The following PTPN1 variants were observed in gnomAD, a reference collection of about 807,000 sequenced individuals.
PTPN1 encodes tyrosine-protein phosphatase non-receptor type 1.
A neutral mutation model predicts 59.9 loss-of-function variants in PTPN1; 12 were observed. That is an observed-to-expected ratio of 0.20 (90% CI 0.13 to 0.32). The LOEUF (loss-of-function observed/expected upper bound fraction) is 0.32. Among genes scored for constraint, PTPN1 ranks in the 10% least tolerant of loss-of-function variants. The pLI is 1.00. For synonymous variants in PTPN1, 178 were observed against 203.6 expected (o/e 0.87, Z 1.07); for missense variants, 356 against 549.2 (o/e 0.65, Z 3.52).
At chr20:50,566,133 G>A (rs2082778042) in intron 3 of PTPN1, among the ~76,000 whole-genome samples, 1 of 152,214 alleles carries the variant, frequency 6.6e-6, no homozygotes, top group African/African-American at 2.4e-5. Flanking sequence ...CAGGCCCTGA[G>A]CCCCTGGTCC....
intron 1 of PTPN1, among the ~76,000 whole-genome samples, chr20:50,535,158 A>G (rs1012771070): frequency 5.9e-5 from 9 of 152,180 alleles, no homozygotes; most frequent in African/African-American, 1.9e-4. Flanking sequence ...TTTCTGCTGT[A>G]TCTTTCATGG....
chr20:50,551,028 A>G (rs907544950), intron 1 of PTPN1, among the ~76,000 whole-genome samples: 6 of 152,218 alleles, frequency 3.9e-5, no homozygotes, highest in Non-Finnish European at 8.8e-5. Flanking sequence ...CTAATCAAAT[A>G]TTGCCAGCTT....
intron 1 of PTPN1, among the ~76,000 whole-genome samples, chr20:50,531,029 G>A (rs1016378501): frequency 4.6e-5 from 7 of 152,072 alleles, no homozygotes; most frequent in Admixed American, 2.0e-4. Context: ...AGTGAACTGA[G>A]ACCCAGCCTT....
At chr20:50,537,214 T>C (rs2082627796) in intron 1 of PTPN1, among the ~76,000 whole-genome samples, 1 of 152,082 alleles carries the variant, frequency 6.6e-6, no homozygotes. Flanking sequence ...TCCCAGCTAG[T>C]TGGGAGGCTG....
At chr20:50,544,953 C>T (rs1224739587) in intron 1 of PTPN1, among the ~76,000 whole-genome samples, 2 of 152,082 alleles carry the variant, frequency 1.3e-5, no homozygotes, top group African/African-American at 4.8e-5. Flanking sequence ...CTGCAGTGAG[C>T]ATAAATTGCA....
chr20:50,573,371 C>T (rs1311341126), intron 4 of PTPN1: 1 of 152,312 alleles, frequency 6.6e-6, no homozygotes, highest in Non-Finnish European at 1.5e-5. Context: ...TCTCTCTTTT[C>T]TGTAACCTTG....
chr20:50,527,292 CTG>C (rs1406985497), intron 1 of PTPN1, among the ~76,000 whole-genome samples: 4 of 152,098 alleles, frequency 2.6e-5, no homozygotes, highest in African/African-American at 9.7e-5. Context: ...TCCAGTCACT[CTG>C]TGTGTTTATC....
At position 50,581,415 on chromosome 20, in the gene PTPN1, G is replaced by T. The variant is rs1294562007; in HGVS notation, c.1239G>T (p.Met413Ile). 6.2e-7 allele frequency: 1 copy of T among 1,613,732 alleles called. No individual in the cohort carries two copies. Among genetic ancestry groups the T allele is most frequent in the African/African-American group, 1.3e-5 (1 of 74,944 alleles). The change falls in exon 9 of 10, where the codon ATG becomes ATT. Residue 413 changes from methionine (M) to isoleucine (I), a missense_variant. This residue lies in a region of PTPN1 where 62 missense variants were observed against 97.2 expected (regional missense o/e 0.64). Transcript: ENST00000371621. Reference sequence around the variant, plus strand: ...ACTGGAAGCCCTTCCTGGTCAACATGTGCGTGGCTACGGTCCTCACGGCCG... The same window carrying T: ...ACTGGAAGCCCTTCCTGGTCAACATTTGCGTGGCTACGGTCCTCACGGCCG... ...LSYWKPFLVNMCVATVLTAGA... is the reference protein window; with the variant it reads ...LSYWKPFLVNICVATVLTAGA...
chr20:50,546,081 C>G (rs183608043), intron 1 of PTPN1, among the ~76,000 whole-genome samples: 1 of 152,212 alleles, frequency 6.6e-6, no homozygotes, highest in African/African-American at 2.4e-5. Flanking sequence ...GATTAGATCC[C>G]TTGTGTTTGG....
intron 1 of PTPN1, 112 bp from the exon 2 acceptor site, chr20:50,561,251 G>A: frequency 1.2e-6 from 1 of 817,906 alleles, no homozygotes; most frequent in Non-Finnish European, 2.0e-6. Context: ...ACATACCTCT[G>A]AATTATCACC....
At chr20:50,549,159 ATTTTGAGTTGGGAGCC>A (rs2082690318) in intron 1 of PTPN1, among the ~76,000 whole-genome samples, 1 of 152,206 alleles carries the variant, frequency 6.6e-6, no homozygotes, top group Non-Finnish European at 1.5e-5. Flanking sequence ...CTTCTAGGTC[ATTTTGAGTTGGGAGCC>A]TTTTGTTTTG....
rs1219859735 is a variant in PTPN1 at position 50,578,282 on chromosome 20, TG to T, written c.493-136del. ...GTGTGGTATTTGTTGACTGGGTGTG[TG>T]GACCCTGGGAGAAAGTCTGAGAATG... On this transcript the variant is annotated intron_variant, in intron 5 of 9. Coordinates refer to ENST00000371621, the MANE Select transcript of PTPN1 (RefSeq NM_002827.4). 11 of 811,206 alleles carry T rather than the reference TG, an allele frequency of 1.4e-5. No homozygotes were observed. In the African/African-American group the frequency reaches 1.7e-4, roughly 13 times the overall value. 50.3% of individuals were successfully genotyped at this position (811,206 alleles called of 1,614,324 possible). A position where few individuals can be genotyped will look rare whatever the true frequency, so the allele number is the denominator to read the frequency against.
intron 1 of PTPN1, among the ~76,000 whole-genome samples, chr20:50,543,217 A>G (rs899320280): frequency 1.3e-5 from 2 of 152,158 alleles, no homozygotes; most frequent in Admixed American, 6.5e-5. Context: ...ATATGGGGGA[A>G]GGGGGAAATG....
chr20:50,531,874 G>A lies in PTPN1; in HGVS notation c.63+21284G>A, dbSNP rs1046143455. Reference sequence around the variant, plus strand: ...GCTAGTGGTACCACGGCTACCACTAGCAATTACTGACATGTGGGATCTTAG... The same window carrying A: ...GCTAGTGGTACCACGGCTACCACTAACAATTACTGACATGTGGGATCTTAG... On this transcript the variant is annotated intron_variant, in intron 1 of 9. Coordinates refer to ENST00000371621, the MANE Select transcript of PTPN1 (RefSeq NM_002827.4). Among the ~76,000 whole-genome samples the A allele has an allele frequency of 6.6e-5, 10 of 152,338 alleles. No homozygotes were observed. In the East Asian group the frequency reaches 9.6e-4, roughly 15 times the overall value.
intron 5 of PTPN1, among the ~76,000 whole-genome samples, chr20:50,575,541 G>A (rs1242840277): frequency 6.6e-6 from 1 of 152,218 alleles, no homozygotes; most frequent in Non-Finnish European, 1.5e-5. Flanking sequence ...AGGGCTGTGT[G>A]GGTGGGGAGG....
At chr20:50,578,710 C>T (rs563976784) in intron 6 of PTPN1, 81 bp downstream of exon 6, 8 of 1,216,610 alleles carry the variant, frequency 6.6e-6, no homozygotes, top group Admixed American at 2.5e-5. Flanking sequence ...GAAACTGAAG[C>T]GCTCCTCTTC....
At chr20:50,565,112 A>C (rs1328896056) in intron 3 of PTPN1, 43 bp downstream of exon 3, 2 of 1,580,910 alleles carry the variant, frequency 1.3e-6, no homozygotes, top group Non-Finnish European at 1.7e-6. Flanking sequence ...TCAATTTAAG[A>C]GTTTGAGAGT....
intron 1 of PTPN1, among the ~76,000 whole-genome samples, chr20:50,549,279 T>C (rs1303530958): frequency 1.3e-5 from 2 of 152,238 alleles, no homozygotes; most frequent in African/African-American, 4.8e-5. Context: ...GCAGTGGGTG[T>C]ACATCAGAGT....
intron 1 of PTPN1, among the ~76,000 whole-genome samples, chr20:50,522,297 T>C (rs1213840462): frequency 1.3e-5 from 2 of 152,190 alleles, no homozygotes; most frequent in African/African-American, 4.8e-5. Flanking sequence ...CTATTTTTGA[T>C]GACCAACTTG....
Sources: allele counts gnomAD v4.1 joint callset (sites outside exome capture counted in the v4.1 genomes callset), GRCh38; gene constraint gnomAD v4.1.1; regional missense constraint gnomAD v4.1.1; transcripts MANE v1.5; gene names NCBI Gene and HGNC (gene_info 2026-07-23, HGNC 2026-07-21).